UGT1A10: variants seen among roughly 807,000 people sequenced by gnomAD.
The protein encoded by UGT1A10 is UDP-glucuronosyltransferase 1A10.
UGT1A10 carries 49 observed loss-of-function variants against 45.8 expected under a neutral mutation model. The observed-to-expected ratio is 1.07, with a 90% CI of 0.85 to 1.36. UGT1A10 has a LOEUF of 1.36. Among genes scored for constraint, UGT1A10 ranks in the 40% most tolerant of loss-of-function variants. The probability of loss-of-function intolerance (pLI) is 0.00; values close to 1 mark genes in which losing one functional copy is unlikely to be tolerated. For missense variants in UGT1A10, 745 were observed against 668.6 expected, an observed-to-expected ratio of 1.11 and a Z score of -1.26; for synonymous variants, 284 against 249.7, an observed-to-expected ratio of 1.14 and a Z score of -1.29.
chr2:233,767,896 C>T lies in UGT1A10; in HGVS notation c.1035C>T (p.Asn345=), dbSNP rs1260686155. ...CCCGACCATCGAATCTTGCGAACAACACGATACTTGTTAAGTGGCTACCCC... is the reference window on the plus strand; with the variant it reads ...CCCGACCATCGAATCTTGCGAACAATACGATACTTGTTAAGTGGCTACCCC... ...TGTRPSNLAN[N]TILVKWLPQN... The change falls in exon 3 of 5, where the codon AAC becomes AAT. Residue 345 remains asparagine (N), a synonymous_variant. Transcript: ENST00000344644. 2.5e-6 allele frequency: 4 copies of T among 1,614,050 alleles called. No homozygotes were observed. Among genetic ancestry groups the T allele is most frequent in the African/African-American group, 1.3e-5 (1 of 74,912 alleles).
intron 1 of UGT1A10, chr2:233,682,849 T>G: frequency 6.5e-7 from 1 of 1,540,284 alleles, no homozygotes; most frequent in Non-Finnish European, 8.7e-7. Flanking sequence ...AATTAAAAGA[T>G]TTCTTACAGA....
At chr2:233,719,828 G>A in intron 1 of UGT1A10, 1 of 1,554,886 alleles carries the variant, frequency 6.4e-7, no homozygotes, top group Non-Finnish European at 8.7e-7. Flanking sequence ...AACTGTTGAG[G>A]GGCCTAGTGT....
At chr2:233,651,767 G>C (rs1298799964) in intron 1 of UGT1A10, among the ~76,000 whole-genome samples, 1 of 152,194 alleles carries the variant, frequency 6.6e-6, no homozygotes, top group Non-Finnish European at 1.5e-5. Context: ...TCACTTGATG[G>C]AGTGTGCATC....
At chr2:233,692,755 G>A (rs1416113067) in intron 1 of UGT1A10, 3 of 1,150,320 alleles carry the variant, frequency 2.6e-6, no homozygotes, top group Non-Finnish European at 3.4e-6. Flanking sequence ...CAGACTTGTG[G>A]AGCTGAAGAG....
intron 1 of UGT1A10, among the ~76,000 whole-genome samples, chr2:233,732,961 T>G (rs2078342665): frequency 6.6e-6 from 1 of 152,188 alleles, no homozygotes; most frequent in Non-Finnish European, 1.5e-5. Context: ...GTTCTTCCAT[T>G]TGTTTGTGTC....
chr2:233,701,893 A>G (rs17862865), intron 1 of UGT1A10, among the ~76,000 whole-genome samples: 86,716 of 151,582 alleles, frequency 0.57, 26,751 homozygotes, highest in African/African-American at 0.82. Context: ...GAGAAAGCAG[A>G]AAAGATCTAA....
intron 1 of UGT1A10, chr2:233,690,756 GACATACACACACACAC>G (rs2075007823): frequency 2.7e-6 from 3 of 1,107,062 alleles, no homozygotes; most frequent in African/African-American, 2.3e-5. Context: ...GTCCAGTGCA[GACATACACACACACAC>G]ACATACACAC....
chr2:233,690,004 C>A, intron 1 of UGT1A10: 3 of 448,708 alleles, frequency 6.7e-6, no homozygotes, highest in Non-Finnish European at 1.3e-5. Context: ...CACTTCATCT[C>A]ACCATTTTGG....
chr2:233,761,889 C>G (rs2125994271), intron 1 of UGT1A10, among the ~76,000 whole-genome samples: 1 of 152,322 alleles, frequency 6.6e-6, no homozygotes, highest in Middle Eastern at 3.4e-3. Context: ...TTCACTTATC[C>G]TGCAAAGATT....
intron 1 of UGT1A10, among the ~76,000 whole-genome samples, chr2:233,739,478 C>A (rs945148386): frequency 2.6e-5 from 4 of 152,180 alleles, no homozygotes; most frequent in African/African-American, 9.7e-5. Context: ...ACCGTGGGAG[C>A]CCATTTCTGG....
chr2:233,693,104 C>G, intron 1 of UGT1A10: 1 of 1,614,166 alleles, frequency 6.2e-7, no homozygotes, highest in African/African-American at 1.3e-5. Flanking sequence ...GGTGGTCCCT[C>G]AGGACGGAAG....
chr2:233,729,477 GA>G, intron 1 of UGT1A10: 2 of 1,614,194 alleles, frequency 1.2e-6, no homozygotes, highest in Middle Eastern at 1.6e-4. Context: ...TGGCAATGTT[GA>G]ACAATATGTC....
rs557222655 is a variant in UGT1A10 at position 233,742,227 on chromosome 2, CCAAA to C, written c.856-24804_856-24801del. 1.9e-3 allele frequency among the ~76,000 whole-genome samples: 286 copies of C among 151,916 alleles called. 2 individuals carry two copies. The highest frequency in any genetic ancestry group is 3.7e-3 in the Admixed American group (56 of 15,294). ...CTCACAGCCTTCAGGGCTGAGAGCCCCAAACAGAGATTTACCCACATATTTATTG... is the reference window on the plus strand; with the variant it reads ...CTCACAGCCTTCAGGGCTGAGAGCCCCAGAGATTTACCCACATATTTATTG... On this transcript the variant is annotated intron_variant, in intron 1 of 4. Coordinates refer to ENST00000344644, the MANE Select transcript of UGT1A10 (RefSeq NM_019075.4).
At chr2:233,713,329 G>T (rs1283869800) in intron 1 of UGT1A10, 2 of 1,614,226 alleles carry the variant, frequency 1.2e-6, no homozygotes, top group South Asian at 1.1e-5. Context: ...TTTTCTAGAA[G>T]AATGGCAATT....
At chr2:233,713,955 C>T in intron 1 of UGT1A10, 1 of 1,607,704 alleles carries the variant, frequency 6.2e-7, no homozygotes, top group Non-Finnish European at 8.5e-7. Context: ...CTTATCTTTC[C>T]AAAGATTTCA....
rs45473304 is a variant in UGT1A10, at chr2:233,636,830, A to G, written c.308A>G (p.Gln103Arg). 1.2e-6 allele frequency: 2 copies of G among 1,614,214 alleles called. No homozygotes were observed. Among genetic ancestry groups the G allele is most frequent in the East Asian group, 2.2e-5 (1 of 44,880 alleles). ...CATGCTCAATGGAAAGCACAGGCAC[A>G]AAGTATATTTTCTCTATTAATGAGT... is the stretch of plus-strand genomic sequence containing the variant. Reference protein sequence around the residue: ...FAHAQWKAQAQSIFSLLMSSS... With the variant: ...FAHAQWKAQARSIFSLLMSSS... The change falls in exon 1 of 5, where the codon CAA (glutamine) becomes CGA (arginine). Residue 103 changes from glutamine (Q) to arginine (R), a missense_variant. Physicochemically the swap from Gln to Arg is conservative, Grantham distance 43 (BLOSUM62 1). Transcript: ENST00000344644.
chr2:233,757,535 AATATATATATATAT>A (rs67292694), intron 1 of UGT1A10, among the ~76,000 whole-genome samples: 1 of 88,312 alleles, frequency 1.1e-5, no homozygotes, highest in South Asian at 5.2e-4. Flanking sequence ...GCCTGTAAGG[AATATATATATATAT>A]ATATATATAT....
At chr2:233,703,519 A>G (rs1315690951) in intron 1 of UGT1A10, among the ~76,000 whole-genome samples, 1 of 151,980 alleles carries the variant, frequency 6.6e-6, no homozygotes, top group Non-Finnish European at 1.5e-5. Context: ...GTGGAGTGAC[A>G]CTTATCATTA....
At chr2:233,711,035 C>T (rs1430661995) in intron 1 of UGT1A10, among the ~76,000 whole-genome samples, 1 of 152,156 alleles carries the variant, frequency 6.6e-6, no homozygotes, top group East Asian at 1.9e-4. Context: ...TCTGGGGTGA[C>T]CTCACTGACA....
Sources: allele counts gnomAD v4.1 joint callset (sites outside exome capture counted in the v4.1 genomes callset), GRCh38; gene constraint gnomAD v4.1.1; transcripts MANE v1.5; gene names NCBI Gene and HGNC (gene_info 2026-07-23, HGNC 2026-07-21).